The following AMPD1 variants were observed in gnomAD, a reference collection of about 807,000 sequenced individuals.
AMPD1 encodes the protein adenosine monophosphate deaminase 1.
A neutral mutation model predicts 82.9 loss-of-function variants in AMPD1; 74 were observed. The observed-to-expected ratio is 0.89, with a 90% CI of 0.74 to 1.08. The LOEUF (loss-of-function observed/expected upper bound fraction) is 1.08. AMPD1 is among the 50% of genes least tolerant of loss of function. The probability of loss-of-function intolerance (pLI) is 0.00; values close to 1 mark genes in which losing one functional copy is unlikely to be tolerated. For synonymous variants in AMPD1, 333 were observed against 320.5 expected (o/e 1.04, Z -0.42); for missense variants, 881 against 924.5 (o/e 0.95, Z 0.61).
intron 8 of AMPD1, 69 bp downstream of exon 8, chr1:114,678,264 G>A: frequency 2.6e-6 from 4 of 1,563,404 alleles, no homozygotes; most frequent in East Asian, 2.2e-5. Context: ...GAGAAGGGAG[G>A]GCTTGTAGGA....
chr1:114,673,782 G>A (rs1233117093), intron 14 of AMPD1, 33 bp from the exon 15 acceptor site: 7 of 1,580,614 alleles, frequency 4.4e-6, no homozygotes, highest in Middle Eastern at 1.7e-4. Flanking sequence ...AAAAAGAGGA[G>A]TGAATTAATA....
intron 9 of AMPD1, 111 bp downstream of exon 9, chr1:114,677,799 C>CCGTCCT: frequency 1.9e-6 from 1 of 526,756 alleles, no homozygotes; most frequent in Non-Finnish European, 3.3e-6. Flanking sequence ...CCCTCTCTCC[C>CCGTCCT]TCCTTCCTTC....
chr1:114,693,160 A>AAG (rs1557975899), intron 2 of AMPD1, among the ~76,000 whole-genome samples: 10 of 127,756 alleles, frequency 7.8e-5, no homozygotes, highest in South Asian at 2.3e-4. Context: ...AAATAAATAA[A>AAG]TAAATAAGTA....
At chr1:114,687,920 A>G (rs1240316357) in intron 3 of AMPD1, among the ~76,000 whole-genome samples, 1 of 152,132 alleles carries the variant, frequency 6.6e-6, no homozygotes, top group Non-Finnish European at 1.5e-5. Context: ...TTATATTACC[A>G]TTGTGTGTAA....
chr1:114,693,051 G>C (rs1658561939), intron 2 of AMPD1, among the ~76,000 whole-genome samples: 2 of 150,960 alleles, frequency 1.3e-5, no homozygotes, highest in African/African-American at 4.9e-5. Flanking sequence ...GTTGAATCCG[G>C]GAGGCAAAGG....
chr1:114,692,089 AC>A (rs1364526544), intron 2 of AMPD1, among the ~76,000 whole-genome samples: 1 of 152,244 alleles, frequency 6.6e-6, no homozygotes, highest in African/African-American at 2.4e-5. Flanking sequence ...TGAAGATTTA[AC>A]AAAAAATACT....
In AMPD1 at chr1:114,680,417, G is replaced by T; in HGVS notation, c.609C>A (p.Asn203Lys). The change falls in exon 6 of 16, where the codon AAC (asparagine) becomes AAA (lysine). Residue 203 changes from asparagine (N) to lysine (K), a missense_variant. Asn to Lys is a moderately conservative substitution (Grantham distance 94, BLOSUM62 0). Around this residue, in one of 2 missense-constraint regions of AMPD1, gnomAD observed 783 missense variants for 786.4 expected, o/e 1.00. Coordinates refer to ENST00000520113, the MANE Select transcript of AMPD1 (RefSeq NM_000036.3). ...DPFRTDNLPE[N>K]LGYHLKMKDG... ...CCTTCATTTTGAGGTGATAGCCCAG[G>T]TTTTCAGGAAGGTTGTCTGTTCGGA... is the stretch of plus-strand genomic sequence containing the variant. The T allele has an allele frequency of 6.2e-7, 1 of 1,614,154 alleles. No homozygotes were observed. Among genetic ancestry groups the T allele is most frequent in the Middle Eastern group, 1.6e-4 (1 of 6,062 alleles).
intron 5 of AMPD1, among the ~76,000 whole-genome samples, chr1:114,682,748 T>A (rs1168201425): frequency 6.6e-6 from 1 of 152,046 alleles, no homozygotes; most frequent in Non-Finnish European, 1.5e-5. Flanking sequence ...CTGGCTAATT[T>A]TTTGTATTTT....
chr1:114,678,558 A>T, intron 7 of AMPD1, 31 bp from the exon 8 acceptor site: 1 of 1,586,058 alleles, frequency 6.3e-7, no homozygotes, highest in Non-Finnish European at 8.7e-7. Context: ...AGAAAAAAAC[A>T]TCAATCAGCC....
At chr1:114,679,817 G>A in intron 6 of AMPD1, 109 bp from the exon 7 acceptor site, 1 of 1,314,948 alleles carries the variant, frequency 7.6e-7, no homozygotes, top group South Asian at 1.2e-5. Context: ...ATAATTGTTG[G>A]AACAAACCTT....
rs549830692 is a variant in AMPD1 at position 114,678,555 on chromosome 1, A to T, written c.898-28T>A. ...GTATGTATATTCAAAGAAAGAAAAA[A>T]ACATCAATCAGCCTTAGTTATGCTA... is the stretch of plus-strand genomic sequence containing the variant. On this transcript the variant is annotated intron_variant, in intron 7 of 15. Transcript: ENST00000520113. 4.4e-6 allele frequency: 7 copies of T among 1,592,108 alleles called. No homozygotes were observed. The African/African-American group carries it at 6.7e-5, about 15-fold the overall frequency.
rs1274973181 is a variant in AMPD1 at position 114,677,404 on chromosome 1, G to A, written c.1335C>T (p.Cys445=). 2 of 1,611,642 alleles carry A rather than the reference G, an allele frequency of 1.2e-6. No homozygotes were observed. Among genetic ancestry groups the A allele is most frequent in the South Asian group, 1.1e-5 (1 of 90,872 alleles). Residue 445 remains cysteine, a synonymous_variant, in exon 10 of 16, where the codon TGC becomes TGT. Coordinates refer to ENST00000520113, the MANE Select transcript of AMPD1 (RefSeq NM_000036.3). ...TCATGTTGGGGCAGTGGATGCGATT[G>A]CAGACGAACCAGGAGGAGAGTTTGC... The part of the protein sequence containing the change: ...EWSKLSSWFV[C]NRIHCPNMTW...
At chr1:114,690,610 T>A (rs1326807044) in intron 2 of AMPD1, among the ~76,000 whole-genome samples, 1 of 152,172 alleles carries the variant, frequency 6.6e-6, no homozygotes, top group East Asian at 1.9e-4. Flanking sequence ...CCGAAAAGCA[T>A]CTTTGGATGC....
At chr1:114,691,712 G>A (rs1258242271) in intron 2 of AMPD1, among the ~76,000 whole-genome samples, 2 of 152,120 alleles carry the variant, frequency 1.3e-5, no homozygotes, top group African/African-American at 4.8e-5. Flanking sequence ...GATCACCTGA[G>A]GTCAGAAGTT....
chr1:114,678,592 G>C (rs1658069490), intron 7 of AMPD1, 65 bp from the exon 8 acceptor site: 1 of 1,450,190 alleles, frequency 6.9e-7, no homozygotes, highest in South Asian at 1.1e-5. Context: ...TCTGTTTAGA[G>C]GATATGGTGC....
At chr1:114,677,802 C>CTTCCTTCCTTCCTTCT (rs1557969525) in intron 9 of AMPD1, 108 bp downstream of exon 9, 8 of 276,114 alleles carry the variant, frequency 2.9e-5, no homozygotes, top group Non-Finnish European at 1.0e-5. Flanking sequence ...TCTCTCCCTC[C>CTTCCTTCCTTCCTTCT]TTCCTTCCTT....
At chr1:114,692,512 C>A (rs775853149) in intron 2 of AMPD1, among the ~76,000 whole-genome samples, 1 of 151,294 alleles carries the variant, frequency 6.6e-6, no homozygotes, top group Non-Finnish European at 1.5e-5. Context: ...GGTGAAACCT[C>A]GTCTCTACTA....
intron 4 of AMPD1, 147 bp downstream of exon 4, chr1:114,686,598 T>A: frequency 1.2e-6 from 1 of 804,554 alleles, no homozygotes; most frequent in Non-Finnish European, 2.1e-6. Flanking sequence ...TACCACCATA[T>A]TAGTATTGAA....
rs2101711850 is a variant in AMPD1 at position 114,675,652 on chromosome 1, A to G, written c.1557T>C (p.Ser519=). 1 of 1,614,208 alleles carries G rather than the reference A, an allele frequency of 6.2e-7. No individual in the cohort carries two copies. The highest frequency in any genetic ancestry group is 8.5e-7 in the Non-Finnish European group (1 of 1,180,026). ...GACTCTTGGAGGAGAACATGTGGCCACTGTGTTTGGACTCATCATCCACAC... is the reference window on the plus strand; with the variant it reads ...GACTCTTGGAGGAGAACATGTGGCCGCTGTGTTTGGACTCATCATCCACAC... ...FDSVDDESKH[S]GHMFSSKSPK... is the part of the protein sequence containing the mutation. The change falls in exon 12 of 16, where the codon AGT becomes AGC. Residue 519 remains serine (S), a synonymous_variant. Transcript: ENST00000520113.
Sources: allele counts gnomAD v4.1 joint callset (sites outside exome capture counted in the v4.1 genomes callset), GRCh38; gene constraint gnomAD v4.1.1; regional missense constraint gnomAD v4.1.1; transcripts MANE v1.5; gene names NCBI Gene and HGNC (gene_info 2026-07-23, HGNC 2026-07-21).